CCT2: variants seen among roughly 807,000 people sequenced by gnomAD.
CCT2 encodes T-complex protein 1 subunit beta.
In CCT2, 18 loss-of-function variants were observed where a neutral mutation model predicts 61.8. That is an observed-to-expected ratio of 0.29 (90% CI 0.20 to 0.43). The LOEUF (loss-of-function observed/expected upper bound fraction) is 0.43, where lower values mean the gene tolerates loss of function less well. CCT2 is among the 20% of genes least tolerant of loss of function. CCT2 has a pLI of 1.00. For synonymous variants in CCT2, 248 were observed against 215.9 expected (o/e 1.15, Z -1.30); for missense variants, 556 against 656.9 (o/e 0.85, Z 1.68).
At chr12:69,600,613 C>T (rs932366853) in intron 15 of CCT2, among the ~76,000 whole-genome samples, 7 of 151,862 alleles carry the variant, frequency 4.6e-5, no homozygotes, top group African/African-American at 1.7e-4. Context: ...GATCAGTGCC[C>T]TGTGACAGCT....
At chr12:69,586,545 G>T (rs1326167679) in intron 2 of CCT2, among the ~76,000 whole-genome samples, 1 of 152,062 alleles carries the variant, frequency 6.6e-6, no homozygotes, top group South Asian at 2.1e-4. Context: ...ATGGGCACCT[G>T]TAATCCCAGC....
chr12:69,586,773 C>T lies in CCT2; in HGVS notation c.99C>T (p.Ile33=), dbSNP rs780733349. 1.1e-5 allele frequency: 17 copies of T among 1,599,808 alleles called. No homozygotes were observed. The highest frequency in any genetic ancestry group is 5.4e-5 in the African/African-American group (4 of 73,794). The part of the protein sequence containing the change: ...TARLTSFIGA[I]AIGDLVKSTL... The stretch of plus-strand genomic sequence containing the variant: ...TCCAGACTTCTTTTATTGGTGCCAT[C>T]GCCATTGGAGACTTGGTAAAGAGCA... Residue 33 remains isoleucine (I), a synonymous_variant, in exon 3 of 16, where the codon ATC becomes ATT. Transcript: ENST00000299300.
rs1160807107 is a variant in CCT2 at position 69,586,823 on chromosome 12, GA to G, written c.144+10del. On this transcript the variant is annotated splice_donor_region_variant and intron_variant, in intron 3 of 15. Transcript: ENST00000299300. ...ACCTTGGGACCCAAAGGCATGGTAA[GA>G]AAAATAGAAAAGTTTTATATTTTAA... 1 of 1,554,674 alleles carries G rather than the reference GA, an allele frequency of 6.4e-7. No individual in the cohort carries two copies. The highest frequency in any genetic ancestry group is 2.3e-5 in the East Asian group (1 of 44,162).
chr12:69,585,817 A>T, intron 1 of CCT2: 1 of 1,346,866 alleles, frequency 7.4e-7, no homozygotes, highest in South Asian at 1.7e-5. Context: ...CTAGTGTGGG[A>T]CCCGCTCCGC....
intron 7 of CCT2, 21 bp downstream of exon 7, chr12:69,589,708 C>G (rs1333846855): frequency 1.3e-6 from 2 of 1,583,800 alleles, no homozygotes; most frequent in Non-Finnish European, 1.7e-6. Flanking sequence ...ATGTCAGATA[C>G]AAGAAGCTTT....
Position 69,597,146 on chromosome 12 carries a change from A to G in CCT2, c.983-10A>G. 1 of 1,612,618 alleles carries G rather than the reference A, an allele frequency of 6.2e-7. No homozygotes were observed. ...CTGTGCATTTAACTAATACATGTTT[A>G]TGTTTATAGGTGGTGAAATTGCCTC... On this transcript the variant is annotated splice_polypyrimidine_tract_variant and intron_variant, in intron 10 of 15. Coordinates refer to ENST00000299300, the MANE Select transcript of CCT2 (RefSeq NM_006431.3).
chr12:69,592,209 G>A (rs779382345), intron 8 of CCT2, 50 bp downstream of exon 8: 1 of 1,038,184 alleles, frequency 9.6e-7, no homozygotes, highest in Admixed American at 1.9e-5. Context: ...AGGCAGAGTG[G>A]CTCATGCCTG....
In CCT2 at chr12:69,589,538, T is replaced by C; in HGVS notation, c.500T>C (p.Leu167Ser). 2 of 1,614,136 alleles carry C rather than the reference T, an allele frequency of 1.2e-6. No individual in the cohort carries two copies. Among genetic ancestry groups the C allele is most frequent in the South Asian group, 2.2e-5 (2 of 91,088 alleles). Residue 167 changes from leucine to serine, a missense_variant, in exon 7 of 16, where the codon TTA becomes TCA. Coordinates refer to ENST00000299300, the MANE Select transcript of CCT2 (RefSeq NM_006431.3). The part of the protein sequence containing the change: ...QDLMNIAGTT[L>S]SSKLLTHHKD... ...TTAATGAATATTGCGGGCACAACATTATCCTCAAAACTTCTTACTCATCAC... is the reference window on the plus strand; with the variant it reads ...TTAATGAATATTGCGGGCACAACATCATCCTCAAAACTTCTTACTCATCAC...
Position 69,592,081 on chromosome 12 carries a change from T to C in CCT2, c.672T>C (p.Ile224=). Residue 224 remains isoleucine (I), a synonymous_variant, in exon 8 of 16, where the codon ATT becomes ATC. Transcript: ENST00000299300. ...TAGGCTTCCTGTTGGATAAAAAAAT[T>C]GGAGTAAATCAACCAAAACGAATTG... is the stretch of plus-strand genomic sequence containing the variant. ...LDEGFLLDKK[I]GVNQPKRIEN... 1 of 1,592,398 alleles carries C rather than the reference T, an allele frequency of 6.3e-7. No individual in the cohort carries two copies. The highest frequency in any genetic ancestry group is 8.6e-7 in the Non-Finnish European group (1 of 1,160,482).
chr12:69,586,754 C>T lies in CCT2; in HGVS notation c.80C>T (p.Thr27Ile). 1.3e-6 allele frequency: 2 copies of T among 1,595,862 alleles called. No individual in the cohort carries two copies. The highest frequency in any genetic ancestry group is 8.5e-7 in the Non-Finnish European group (1 of 1,171,860). The change falls in exon 3 of 16, where the codon ACT becomes ATT. Residue 27 changes from threonine to isoleucine, a missense_variant and splice_region_variant. Physicochemically the swap from Thr to Ile is moderately conservative, Grantham distance 89. Coordinates refer to ENST00000299300, the MANE Select transcript of CCT2 (RefSeq NM_006431.3). ...TAATCTCCTTGGTTTTTACTCCAGA[C>T]TTCTTTTATTGGTGCCATCGCCATT... ...DEERAETARL[T>I]SFIGAIAIGD... is the part of the protein sequence containing the mutation.
chr12:69,585,695 G>C, intron 1 of CCT2, 171 bp downstream of exon 1: 1 of 1,503,006 alleles, frequency 6.7e-7, no homozygotes, highest in Non-Finnish European at 8.9e-7. Flanking sequence ...CCAGCCGGTG[G>C]AGCTCACCAC....
chr12:69,586,936 A>G, intron 3 of CCT2, 118 bp downstream of exon 3: 1 of 616,564 alleles, frequency 1.6e-6, no homozygotes, highest in Non-Finnish European at 2.7e-6. Context: ...ATAAAAGACA[A>G]GTATGTTCTC....
At position 69,589,534 on chromosome 12, in the gene CCT2, A is replaced by G. The variant is rs760163895; in HGVS notation, c.496A>G (p.Thr166Ala). 2.5e-6 allele frequency: 4 copies of G among 1,614,158 alleles called. No individual in the cohort carries two copies. The South Asian group carries it at 4.4e-5, about 18-fold the overall frequency. Reference sequence around the variant, plus strand: ...AGATTTAATGAATATTGCGGGCACAACATTATCCTCAAAACTTCTTACTCA... The same window carrying G: ...AGATTTAATGAATATTGCGGGCACAGCATTATCCTCAAAACTTCTTACTCA... ...RQDLMNIAGTTLSSKLLTHHK... is the reference protein window; with the variant it reads ...RQDLMNIAGTALSSKLLTHHK... Residue 166 changes from threonine to alanine, a missense_variant, in exon 7 of 16, where the codon ACA (threonine) becomes GCA (alanine). Coordinates refer to ENST00000299300, the MANE Select transcript of CCT2 (RefSeq NM_006431.3).
At chr12:69,586,561 G>A (rs372026014) in intron 2 of CCT2, among the ~76,000 whole-genome samples, 192 bp from the exon 3 acceptor site, 2 of 151,974 alleles carry the variant, frequency 1.3e-5, no homozygotes, top group Non-Finnish European at 2.9e-5. Context: ...CCAGCTACTC[G>A]GGAGGCTGAG....
At position 69,599,922 on chromosome 12, in the gene CCT2, G is replaced by C. The variant is rs755533344; in HGVS notation, c.1495G>C (p.Val499Leu). The stretch of plus-strand genomic sequence containing the variant: ...CCTGGGTATAACAGAAAGTTTTCAA[G>C]TGAAGCGACAGGTTCTTCTGAGTGC... ...AILGITESFQ[V>L]KRQVLLSAAE... The change falls in exon 15 of 16, where the codon GTG (valine) becomes CTG (leucine). Residue 499 changes from valine (V) to leucine (L), a missense_variant. Transcript: ENST00000299300. 1 of 1,614,012 alleles carries C rather than the reference G, an allele frequency of 6.2e-7. No homozygotes were observed. The highest frequency in any genetic ancestry group is 8.5e-7 in the Non-Finnish European group (1 of 1,179,910).
chr12:69,592,726 C>T (rs1486410838), intron 8 of CCT2: 5 of 323,242 alleles, frequency 1.5e-5, no homozygotes, highest in Non-Finnish European at 2.3e-5. Context: ...AGTTCAAGGC[C>T]AGACTGACCA....
intron 15 of CCT2, among the ~76,000 whole-genome samples, chr12:69,600,263 G>A (rs929421099): frequency 6.6e-6 from 1 of 152,228 alleles, no homozygotes; most frequent in African/African-American, 2.4e-5. Context: ...ACTGAGGACA[G>A]TAGATGCTGT....
Position 69,598,040 on chromosome 12 carries a change from C to T in CCT2, c.1304C>T (p.Ala435Val), listed in dbSNP as rs1251813239. 6.2e-7 allele frequency: 1 copy of T among 1,613,324 alleles called. No homozygotes were observed. The highest frequency in any genetic ancestry group is 1.1e-5 in the South Asian group (1 of 91,040). Residue 435 changes from alanine to valine, a missense_variant, in exon 13 of 16, where the codon GCA (alanine) becomes GTA (valine). Transcript: ENST00000299300. ...AGAACACCAGGCAAAGAAGCTGTTG[C>T]AATGGAGTCTTATGCTAAAGCACTG... is the stretch of plus-strand genomic sequence containing the variant. ...ANRTPGKEAV[A>V]MESYAKALRM...
At chr12:69,599,555 T>G (rs1338268080) in intron 14 of CCT2, among the ~76,000 whole-genome samples, 5 of 152,014 alleles carry the variant, frequency 3.3e-5, no homozygotes, top group African/African-American at 1.2e-4. Context: ...GCCCGGCTAA[T>G]TTTTTATATT....
Sources: allele counts gnomAD v4.1 joint callset (sites outside exome capture counted in the v4.1 genomes callset), GRCh38; gene constraint gnomAD v4.1.1; transcripts MANE v1.5; gene names NCBI Gene and HGNC (gene_info 2026-07-23, HGNC 2026-07-21).